The following PDE1C variants were observed in gnomAD, a reference collection of about 807,000 sequenced individuals.
PDE1C encodes dual specificity calcium/calmodulin-dependent 3',5'-cyclic nucleotide phosphodiesterase 1C.
In PDE1C, 62 loss-of-function variants were observed where a neutral mutation model predicts 93.1. That is an observed-to-expected ratio of 0.67 (90% CI 0.54 to 0.82). The LOEUF (loss-of-function observed/expected upper bound fraction) is 0.82, where lower values mean the gene tolerates loss of function less well. PDE1C is among the 40% of genes least tolerant of loss of function. The probability of loss-of-function intolerance (pLI) is 0.00; values close to 1 mark genes in which losing one functional copy is unlikely to be tolerated. For synonymous variants in PDE1C, 325 were observed against 310.1 expected (o/e 1.05, Z -0.50); for missense variants, 742 against 884.6 (o/e 0.84, Z 2.04).
chr7:31,826,633 C>T (rs1232395500), intron 12 of PDE1C, among the ~76,000 whole-genome samples: 1 of 152,080 alleles, frequency 6.6e-6, no homozygotes, highest in East Asian at 1.9e-4. Context: ...TGCGTTCAGC[C>T]AAATCCTTGA....
At chr7:32,307,332 A>G (rs754135200) in intron 1 of PDE1C, among the ~76,000 whole-genome samples, 134 of 152,126 alleles carry the variant, frequency 8.8e-4, no homozygotes, top group Non-Finnish European at 1.6e-3. Flanking sequence ...TATCCTCTGC[A>G]TCTAGCTGGC....
At chr7:32,382,640 C>A (rs1426224505) in intron 1 of PDE1C, among the ~76,000 whole-genome samples, 1 of 152,196 alleles carries the variant, frequency 6.6e-6, no homozygotes, top group Non-Finnish European at 1.5e-5. Context: ...TACCAGTTCA[C>A]CTTACCAGTT....
chr7:32,342,631 T>C (rs1783779583), intron 1 of PDE1C, among the ~76,000 whole-genome samples: 1 of 152,176 alleles, frequency 6.6e-6, no homozygotes. Flanking sequence ...TAGTATGGTG[T>C]AGTGGTTAGG....
the PDE1C span, among the ~76,000 whole-genome samples, chr7:31,746,097 A>T: frequency 6.6e-6 from 1 of 152,152 alleles, no homozygotes; most frequent in Non-Finnish European, 1.5e-5. Context: ...ACATGTTGGC[A>T]AACTTGTTCT....
At chr7:32,392,777 G>A (rs951552110) in intron 1 of PDE1C, among the ~76,000 whole-genome samples, 12 of 152,162 alleles carry the variant, frequency 7.9e-5, no homozygotes, top group Admixed American at 2.6e-4. Context: ...ATGGCCGAGC[G>A]TGGTGGCTCT....
intron 11 of PDE1C, among the ~76,000 whole-genome samples, 188 bp from the exon 12 acceptor site, chr7:31,828,561 G>C (rs1014591583): frequency 2.0e-5 from 3 of 152,134 alleles, no homozygotes; most frequent in Non-Finnish European, 4.4e-5. Flanking sequence ...AGCCCTCTGG[G>C]ATCCAATAGT....
chr7:31,660,359 C>T, the PDE1C span, among the ~76,000 whole-genome samples: 2 of 152,292 alleles, frequency 1.3e-5, no homozygotes, highest in South Asian at 2.1e-4. Context: ...AATATCTAAA[C>T]ATATATCTAT....
At chr7:31,850,805 C>T (rs1013738299) in intron 7 of PDE1C, 64 bp from the exon 8 acceptor site, 1 of 1,157,696 alleles carries the variant, frequency 8.6e-7, no homozygotes, top group Non-Finnish European at 1.3e-6. Flanking sequence ...AGCTTGCTGA[C>T]AACACACCCA....
At chr7:32,363,360 A>G (rs1784172919) in intron 1 of PDE1C, among the ~76,000 whole-genome samples, 1 of 152,274 alleles carries the variant, frequency 6.6e-6, no homozygotes. Context: ...CCACACAGCA[A>G]GTAACCAGCA....
At chr7:31,774,940 G>T (rs1292403015) in intron 17 of PDE1C, among the ~76,000 whole-genome samples, 1 of 151,844 alleles carries the variant, frequency 6.6e-6, no homozygotes, top group Non-Finnish European at 1.5e-5. Flanking sequence ...ATCTTTCCTT[G>T]CCCCAAACAG....
the PDE1C span, among the ~76,000 whole-genome samples, chr7:31,701,404 T>C: frequency 6.6e-6 from 1 of 152,226 alleles, no homozygotes; most frequent in African/African-American, 2.4e-5. Context: ...AAAATTTGAA[T>C]GGATGAAGAG....
intron 1 of PDE1C, among the ~76,000 whole-genome samples, chr7:32,374,825 C>G (rs1387619236): frequency 6.6e-6 from 1 of 152,170 alleles, no homozygotes; most frequent in Non-Finnish European, 1.5e-5. Context: ...TTCTGAATCT[C>G]TGATATTACA....
intron 1 of PDE1C, among the ~76,000 whole-genome samples, chr7:32,214,110 A>T (rs968288411): frequency 6.6e-6 from 1 of 152,306 alleles, no homozygotes; most frequent in African/African-American, 2.4e-5. Context: ...ATATGTGTGT[A>T]TGTAAAAAAC....
chr7:32,243,302 T>A (rs9638875), intron 1 of PDE1C, among the ~76,000 whole-genome samples: 64,893 of 151,968 alleles, frequency 0.43, 15,052 homozygotes, highest in African/African-American at 0.61. Flanking sequence ...GGGCTGGTGC[T>A]CATACTGTTT....
At chr7:31,837,819 A>C (rs1451521829) in intron 10 of PDE1C, 51 bp downstream of exon 10, 8 of 1,126,724 alleles carry the variant, frequency 7.1e-6, no homozygotes, top group Non-Finnish European at 1.1e-5. Context: ...ATAGACGAGG[A>C]CCCATTCAAA....
At chr7:31,967,679 T>A in intron 2 of PDE1C, among the ~76,000 whole-genome samples, 1 of 152,162 alleles carries the variant, frequency 6.6e-6, no homozygotes. Flanking sequence ...TAGACCAATA[T>A]CCTTGATGAA....
At chr7:32,421,456 C>G (rs1785431256) in intron 1 of PDE1C, among the ~76,000 whole-genome samples, 1 of 152,220 alleles carries the variant, frequency 6.6e-6, no homozygotes, top group Non-Finnish European at 1.5e-5. Context: ...ACTAGCAAGT[C>G]CCAAGGCATG....
chr7:31,785,941 T>G (rs1377826263), intron 16 of PDE1C: 1 of 152,248 alleles, frequency 6.6e-6, no homozygotes, highest in Non-Finnish European at 1.5e-5. Context: ...GTTCATTTTC[T>G]TAGTGATAAT....
At chr7:31,748,348 T>C (rs1794049247), downstream of PDE1C, among the ~76,000 whole-genome samples, 1 of 152,222 alleles carries the variant, frequency 6.6e-6, no homozygotes, top group Non-Finnish European at 1.5e-5. Context: ...GCAATGACCA[T>C]ACATGCATTG....
Sources: allele counts gnomAD v4.1 joint callset (sites outside exome capture counted in the v4.1 genomes callset), GRCh38; gene constraint gnomAD v4.1.1; transcripts MANE v1.5; gene names NCBI Gene and HGNC (gene_info 2026-07-23, HGNC 2026-07-21).